Variants in KIF26B observed in about 807,000 individuals in gnomAD.
KIF26B encodes the protein kinesin-like protein KIF26B.
KIF26B carries 63 observed loss-of-function variants against 151.2 expected under a neutral mutation model. The ratio of observed to expected loss-of-function variants is 0.42; its 90% CI spans 0.34 to 0.51. KIF26B has a LOEUF of 0.51. Ranked by LOEUF, KIF26B falls within the 20% of genes least tolerant of loss-of-function variation. The pLI is 0.07. For synonymous variants in KIF26B, 1,357 were observed against 1,262.1 expected (o/e 1.08, Z -1.59); for missense variants, 2,813 against 2,913.6 (o/e 0.97, Z 0.79).
intron 2 of KIF26B, among the ~76,000 whole-genome samples, chr1:245,191,984 G>C (rs1411772439): frequency 1.3e-5 from 2 of 152,160 alleles, no homozygotes; most frequent in Non-Finnish European, 2.9e-5. Context: ...TTGGAAAGCA[G>C]TGTGATGAAC....
intron 2 of KIF26B, among the ~76,000 whole-genome samples, chr1:245,325,525 C>T (rs889045193): frequency 7.9e-5 from 12 of 152,132 alleles, no homozygotes; most frequent in African/African-American, 2.9e-4. Context: ...CCAGCCTGAC[C>T]AACATGGTGA....
rs565188043 is a variant in KIF26B, at chr1:245,625,373, T to C, written c.2098+13397T>C. On this transcript the variant is annotated intron_variant, in intron 9 of 14. Transcript: ENST00000407071. Reference sequence around the variant, plus strand: ...TGAAGCTATAGCAACTTGGAGATGATTGACCTCTTCACAGTATTGAGTGTT... The same window carrying C: ...TGAAGCTATAGCAACTTGGAGATGACTGACCTCTTCACAGTATTGAGTGTT... Among the ~76,000 whole-genome samples, 11 of 152,328 alleles carry C rather than the reference T, an allele frequency of 7.2e-5. No homozygotes were observed. In the East Asian group the frequency reaches 1.9e-3, roughly 27 times the overall value.
chr1:245,244,756 TCACACACACACACACA>T lies in KIF26B; in HGVS notation c.465+88094_465+88109del, dbSNP rs55638619. 2.7e-4 allele frequency among the ~76,000 whole-genome samples: 39 copies of T among 144,464 alleles called. No individual in the cohort carries two copies. In the East Asian group the frequency reaches 6.2e-3, roughly 23 times the overall value. The allele number at this position is 144,464 out of a possible 152,430, so 94.8% of individuals were successfully genotyped here. ...AGAAGGAACACACAGACACGCACACTCACACACACACACACACACACACACACACACACACAGAACT... is the reference window on the plus strand; with the variant it reads ...AGAAGGAACACACAGACACGCACACTCACACACACACACACACACAGAACT... On this transcript the variant is annotated intron_variant, in intron 2 of 14. Coordinates refer to ENST00000407071, the MANE Select transcript of KIF26B (RefSeq NM_018012.4). The surrounding 1 kb of genome is among the most constrained non-coding windows in gnomAD (Gnocchi z 4.2).
chr1:245,628,027 T>C (rs2043742622), intron 9 of KIF26B, among the ~76,000 whole-genome samples: 1 of 152,188 alleles, frequency 6.6e-6, no homozygotes, highest in African/African-American at 2.4e-5. Flanking sequence ...ACCAGATGGA[T>C]TCACAGCCGC....
At chr1:245,489,507 C>A (rs1395598325) in intron 4 of KIF26B, among the ~76,000 whole-genome samples, 1 of 152,270 alleles carries the variant, frequency 6.6e-6, no homozygotes, top group African/African-American at 2.4e-5. Flanking sequence ...GTATCTCAAC[C>A]TGTCATTTCT....
intron 4 of KIF26B, among the ~76,000 whole-genome samples, chr1:245,514,582 A>G (rs1047497262): frequency 6.6e-6 from 1 of 152,196 alleles, no homozygotes; most frequent in African/African-American, 2.4e-5. Flanking sequence ...TATATAATGA[A>G]GGTTTTTAAA....
At chr1:245,158,394 G>C (rs1461209224) in intron 2 of KIF26B, among the ~76,000 whole-genome samples, 1 of 152,210 alleles carries the variant, frequency 6.6e-6, no homozygotes, top group Non-Finnish European at 1.5e-5. Context: ...TGTTTTTATA[G>C]AAACAGCCTG....
chr1:245,319,769 CTAAAATCAGGT>C (rs1671848365), intron 2 of KIF26B, among the ~76,000 whole-genome samples: 1 of 152,142 alleles, frequency 6.6e-6, no homozygotes, highest in African/African-American at 2.4e-5. Flanking sequence ...TGGTCTCTTT[CTAAAATCAGGT>C]TGGAGAAGAA....
chr1:245,397,784 G>A lies in KIF26B; in HGVS notation c.1000-21795G>A, dbSNP rs147816325. Among the ~76,000 whole-genome samples, 448 of 152,228 alleles carry A rather than the reference G, an allele frequency of 2.9e-3. 3 individuals are homozygous for A. Among genetic ancestry groups the A allele is most frequent in the Admixed American group, 6.9e-3 (105 of 15,284 alleles). On this transcript the variant is annotated intron_variant, in intron 3 of 14. Coordinates refer to ENST00000407071, the MANE Select transcript of KIF26B (RefSeq NM_018012.4). Reference sequence around the variant, plus strand: ...GACACTGTAGTTTGGAAGAGACAGCGGACATGATTTTTATTGCTCCTGAGA... The same window carrying A: ...GACACTGTAGTTTGGAAGAGACAGCAGACATGATTTTTATTGCTCCTGAGA...
At chr1:245,680,566 C>G (rs184908915) in intron 10 of KIF26B, among the ~76,000 whole-genome samples, 54 of 152,258 alleles carry the variant, frequency 3.5e-4, no homozygotes, top group African/African-American at 1.1e-3. Flanking sequence ...GATGTTCTCT[C>G]TCAATTCTGT....
rs751670427 is a variant in KIF26B, at chr1:245,347,301, TTTTC to T, written c.466-19513_466-19510del. Among the ~76,000 whole-genome samples, 102 of 152,100 alleles carry T rather than the reference TTTTC, an allele frequency of 6.7e-4. 1 individual carries two copies. The highest frequency in any genetic ancestry group is 3.4e-3 in the Middle Eastern group (1 of 292). The stretch of plus-strand genomic sequence containing the variant: ...ATCTCATTAACTACTGTCCCCTTTC[TTTTC>T]TTTCTTTCTTTCTTTCTTTTTTTTT... On this transcript the variant is annotated intron_variant, in intron 2 of 14. Coordinates refer to ENST00000407071, the MANE Select transcript of KIF26B (RefSeq NM_018012.4).
intron 2 of KIF26B, among the ~76,000 whole-genome samples, chr1:245,182,441 A>G (rs1369264559): frequency 6.6e-6 from 1 of 152,160 alleles, no homozygotes; most frequent in African/African-American, 2.4e-5. Context: ...ATTCCACTGT[A>G]TAAACATACC....
intron 2 of KIF26B, chr1:245,206,334 T>C (rs944236599): frequency 6.6e-6 from 1 of 152,262 alleles, no homozygotes; most frequent in Admixed American, 6.5e-5. Flanking sequence ...CTTCTTCCAC[T>C]CTTTGCATCT....
chr1:245,257,995 C>G (rs901754369), intron 2 of KIF26B, among the ~76,000 whole-genome samples: 1 of 151,864 alleles, frequency 6.6e-6, no homozygotes, highest in African/African-American at 2.4e-5. Flanking sequence ...GCACTCCAGC[C>G]TGGTGACAGA....
At chr1:245,155,531 T>A (rs1423255728) in intron 1 of KIF26B, 44 bp downstream of exon 1, 1 of 1,528,092 alleles carries the variant, frequency 6.5e-7, no homozygotes. Flanking sequence ...ACCAGACCCA[T>A]CTCGGCGGAG....
chr1:245,590,360 G>A (rs1034134628), intron 5 of KIF26B, among the ~76,000 whole-genome samples: 4 of 152,224 alleles, frequency 2.6e-5, no homozygotes, highest in Admixed American at 6.5e-5. Context: ...TTCACAATAA[G>A]TGCCAAAATC....
chr1:245,435,975 G>A (rs548179585), intron 4 of KIF26B, among the ~76,000 whole-genome samples: 20 of 152,154 alleles, frequency 1.3e-4, no homozygotes, highest in South Asian at 1.0e-3. Flanking sequence ...TCAGGAGTTC[G>A]AGACCAGCCT....
intron 9 of KIF26B, among the ~76,000 whole-genome samples, chr1:245,620,575 AT>A (rs1454780910): frequency 6.6e-6 from 1 of 151,768 alleles, no homozygotes; most frequent in Non-Finnish European, 1.5e-5. Flanking sequence ...AATAGTTTAT[AT>A]TTTTTTGTAG....
chr1:245,594,529 C>G (rs2043321014), intron 5 of KIF26B, among the ~76,000 whole-genome samples: 1 of 152,112 alleles, frequency 6.6e-6, no homozygotes, highest in Admixed American at 6.6e-5. Flanking sequence ...TTGTCTATAT[C>G]TCTGTTTTGG....
Sources: gnomAD v4.1 joint callset for allele counts (sites outside exome capture counted in the v4.1 genomes callset) on GRCh38, gnomAD v4.1.1 for gene constraint, Gnocchi (gnomAD v3.1) non-coding constraint, MANE v1.5 for transcripts, NCBI Gene and HGNC (gene_info 2026-07-23, HGNC 2026-07-21) for gene names.